The following AGBL3 variants were observed in gnomAD, a reference collection of about 807,000 sequenced individuals.
The protein encoded by AGBL3 is cytosolic carboxypeptidase 3.
AGBL3 carries 68 observed loss-of-function variants against 94.5 expected under a neutral mutation model. The ratio of observed to expected loss-of-function variants is 0.72; its 90% CI spans 0.59 to 0.88. The LOEUF is 0.88. Ranked by LOEUF, AGBL3 falls within the 40% of genes least tolerant of loss-of-function variation. AGBL3 has a pLI of 0.00. For missense variants in AGBL3, 934 were observed against 1,103.8 expected (o/e 0.85, Z 2.18); for synonymous variants, 354 against 370.7 (o/e 0.95, Z 0.52).
At chr7:135,003,745 A>G (rs573420733) in intron 4 of AGBL3, among the ~76,000 whole-genome samples, 50 of 151,540 alleles carry the variant, frequency 3.3e-4, no homozygotes, top group Admixed American at 1.7e-3. Flanking sequence ...GAGAATAGCA[A>G]TTTCAAATAG....
Position 135,105,585 on chromosome 7 carries a change from G to A in AGBL3, c.2111-9795G>A, listed in dbSNP as rs1057186244. On this transcript the variant is annotated intron_variant, in intron 15 of 16. Transcript: ENST00000436302. ...CTGGGCTCTCTATTTGGTTCCATTG[G>A]TCTATGTGTCTGTTTTTGTACAGTA... 7.2e-5 allele frequency among the ~76,000 whole-genome samples: 11 copies of A among 152,134 alleles called. No individual in the cohort carries two copies. The East Asian group carries it at 2.1e-3, about 29-fold the overall frequency.
intron 15 of AGBL3, among the ~76,000 whole-genome samples, chr7:135,105,145 C>A (rs1483174592): frequency 2.0e-5 from 3 of 148,208 alleles, no homozygotes; most frequent in African/African-American, 7.4e-5. Flanking sequence ...TCTTGGCTCA[C>A]TGCAACCTCC....
chr7:135,079,473 G>C (rs1820739107), intron 13 of AGBL3, among the ~76,000 whole-genome samples: 1 of 151,656 alleles, frequency 6.6e-6, no homozygotes, highest in Admixed American at 6.6e-5. Flanking sequence ...TTTTGTTTTT[G>C]TTTTGTTTTT....
At chr7:134,993,778 C>A in intron 4 of AGBL3, 100 bp downstream of exon 4, 1 of 967,516 alleles carries the variant, frequency 1.0e-6, no homozygotes. Context: ...ACAGCACATT[C>A]CAACAGAAAT....
chr7:135,076,039 G>T (rs1048891914), intron 12 of AGBL3, among the ~76,000 whole-genome samples: 3 of 152,134 alleles, frequency 2.0e-5, no homozygotes, highest in African/African-American at 7.2e-5. Context: ...CCTTCTCCTG[G>T]TCCTTGGGCT....
At chr7:135,105,806 T>C (rs1188139470) in intron 15 of AGBL3, among the ~76,000 whole-genome samples, 2 of 152,224 alleles carry the variant, frequency 1.3e-5, no homozygotes, top group African/African-American at 4.8e-5. Flanking sequence ...AGGAATAGCA[T>C]TGAATCTGTA....
chr7:135,078,191 G>C (rs1343101213), intron 13 of AGBL3, among the ~76,000 whole-genome samples: 1 of 152,210 alleles, frequency 6.6e-6, no homozygotes, highest in Non-Finnish European at 1.5e-5. Context: ...TTAGTCTGAA[G>C]AGCAGAGCTG....
At chr7:135,020,278 C>T (rs1305515168) in intron 5 of AGBL3, among the ~76,000 whole-genome samples, 1 of 152,200 alleles carries the variant, frequency 6.6e-6, no homozygotes, top group East Asian at 1.9e-4. Flanking sequence ...CAAAAGGAGA[C>T]ATTTATGCAG....
intron 16 of AGBL3, among the ~76,000 whole-genome samples, chr7:135,134,582 T>C (rs1829220751): frequency 6.6e-6 from 1 of 152,004 alleles, no homozygotes; most frequent in Admixed American, 6.6e-5. Flanking sequence ...GAGTGGCTAT[T>C]ATATTAGGAA....
At chr7:134,989,452 C>A in intron 3 of AGBL3, 142 bp downstream of exon 3, 1 of 578,374 alleles carries the variant, frequency 1.7e-6, no homozygotes, top group Non-Finnish European at 2.8e-6. Context: ...TATCTACTTG[C>A]AGAGTTCAAA....
chr7:135,016,030 CA>C (rs5887720), intron 4 of AGBL3, among the ~76,000 whole-genome samples: 1 of 141,360 alleles, frequency 7.1e-6, no homozygotes, highest in African/African-American at 2.7e-5. Flanking sequence ...CACTCCATCT[CA>C]AAAAAAAAAA....
rs1464329760 is a variant in AGBL3, at chr7:135,034,411, G to A, written c.820G>A (p.Gly274Arg). 1.3e-6 allele frequency: 2 copies of A among 1,551,634 alleles called. No homozygotes were observed. Among genetic ancestry groups the A allele is most frequent in the Admixed American group, 2.0e-5 (1 of 50,980 alleles). The change falls in exon 7 of 17, where the codon GGG (glycine) becomes AGG (arginine). Residue 274 changes from glycine (G) to arginine (R), a missense_variant. This residue lies in a region of AGBL3 where 488 missense variants were observed against 563.6 expected (regional missense o/e 0.87). Coordinates refer to ENST00000436302, the MANE Select transcript of AGBL3 (RefSeq NM_178563.4). ...KYYRNNPGQD[G>R]RHYFSLTWTF... ...TTATAGGAACAACCCAGGCCAAGAT[G>A]GGCGCCATTATTTCTCTCTTACATG...
chr7:135,097,689 C>G (rs533082214), intron 15 of AGBL3, among the ~76,000 whole-genome samples: 5 of 152,160 alleles, frequency 3.3e-5, no homozygotes, highest in Admixed American at 6.5e-5. Flanking sequence ...TTCCTGAAAA[C>G]ATACAGAAGC....
rs111295350 is a variant in AGBL3, at chr7:135,102,919, G to A, written c.2111-12461G>A. On this transcript the variant is annotated intron_variant, in intron 15 of 16. Coordinates refer to ENST00000436302, the MANE Select transcript of AGBL3 (RefSeq NM_178563.4). Reference sequence around the variant, plus strand: ...ACACCAATTATAAAAGAAAAACTTGGTAAATGAACTTCATCAAAATCATTC... The same window carrying A: ...ACACCAATTATAAAAGAAAAACTTGATAAATGAACTTCATCAAAATCATTC... Among the ~76,000 whole-genome samples the A allele has an allele frequency of 2.1e-3, 315 of 152,126 alleles. 1 individual carries two copies. The highest frequency in any genetic ancestry group is 7.2e-3 in the African/African-American group (299 of 41,516).
At chr7:135,006,568 C>G (rs1468079291) in intron 4 of AGBL3, among the ~76,000 whole-genome samples, 3 of 151,904 alleles carry the variant, frequency 2.0e-5, no homozygotes, top group African/African-American at 7.2e-5. Context: ...AGTGGCTTAT[C>G]CTGGCAATTA....
rs533772152 is a variant in AGBL3, at chr7:135,014,512, T to C, written c.311-2540T>C. On this transcript the variant is annotated intron_variant, in intron 4 of 16. Transcript: ENST00000436302. The stretch of plus-strand genomic sequence containing the variant: ...GAACAGATAACAAGAAGTCTCACAG[T>C]AGCCAAGTGAAAAAAGATACACAAA... Among the ~76,000 whole-genome samples the C allele has an allele frequency of 2.0e-3, 303 of 152,300 alleles. 1 individual carries two copies. Among genetic ancestry groups the C allele is most frequent in the African/African-American group, 6.9e-3 (287 of 41,564 alleles).
intron 11 of AGBL3, chr7:135,051,108 A>G: frequency 4.9e-6 from 2 of 407,114 alleles, no homozygotes; most frequent in Non-Finnish European, 9.5e-6. Context: ...CCACAGGAAT[A>G]TAGTTGGAAG....
chr7:135,104,502 C>G (rs571854263), intron 15 of AGBL3, among the ~76,000 whole-genome samples: 1 of 152,200 alleles, frequency 6.6e-6, no homozygotes, highest in East Asian at 1.9e-4. Flanking sequence ...AAGGAATCAC[C>G]ATACTGCTTT....
At chr7:135,013,886 G>T (rs1205896599) in intron 4 of AGBL3, among the ~76,000 whole-genome samples, 1 of 152,044 alleles carries the variant, frequency 6.6e-6, no homozygotes, top group South Asian at 2.1e-4. Context: ...AAGCGAGAAA[G>T]CCTAAAAAGA....
Sources: gnomAD v4.1 joint callset for allele counts (sites outside exome capture counted in the v4.1 genomes callset) on GRCh38, gnomAD v4.1.1 for gene constraint, gnomAD v4.1.1 regional missense constraint, MANE v1.5 for transcripts, NCBI Gene and HGNC (gene_info 2026-07-23, HGNC 2026-07-21) for gene names.